The following TTC27 variants were observed in gnomAD, a reference collection of about 807,000 sequenced individuals.
TTC27 encodes tetratricopeptide repeat domain 27.
A neutral mutation model predicts 115.9 loss-of-function variants in TTC27; 79 were observed. The observed-to-expected ratio is 0.68, with a 90% CI of 0.57 to 0.82. TTC27 has a LOEUF of 0.82. Ranked by LOEUF, TTC27 falls within the 40% of genes least tolerant of loss-of-function variation. TTC27 has a pLI of 0.00. For missense variants in TTC27, 1,054 were observed against 993.1 expected, an observed-to-expected ratio of 1.06 and a Z score of -0.82; for synonymous variants, 401 against 356.0, an observed-to-expected ratio of 1.13 and a Z score of -1.42.
rs12989803 is a variant in TTC27 at position 32,742,221 on chromosome 2, A to G, written c.1452+5405A>G. ...CATTTCCCCACAACTGCCTCCCATC[A>G]TGGTTATTGTTAATCCCTTAAAAAT... On this transcript the variant is annotated intron_variant, in intron 12 of 19. Transcript: ENST00000317907. 3.2e-3 allele frequency among the ~76,000 whole-genome samples: 493 copies of G among 152,284 alleles called. 6 individuals carry two copies. Among genetic ancestry groups the G allele is most frequent in the South Asian group, 0.025 (122 of 4,818 alleles).
At chr2:32,681,992 G>GTGTA (rs1447856224) in intron 9 of TTC27, among the ~76,000 whole-genome samples, 1 of 89,702 alleles carries the variant, frequency 1.1e-5, no homozygotes, top group Admixed American at 9.9e-5. Flanking sequence ...GTGTGTGTGT[G>GTGTA]TGTGTGTGTG....
chr2:32,780,717 G>A (rs956924331), intron 14 of TTC27, among the ~76,000 whole-genome samples: 1 of 152,192 alleles, frequency 6.6e-6, no homozygotes, highest in African/African-American at 2.4e-5. Flanking sequence ...TGGGATTACA[G>A]ATGTGAGCCA....
intron 18 of TTC27, 133 bp downstream of exon 18, chr2:32,812,748 T>A: frequency 1.5e-6 from 1 of 661,448 alleles, no homozygotes; most frequent in Admixed American, 2.8e-5. Flanking sequence ...ATTGTTGTAT[T>A]TAATTCAGCA....
chr2:32,771,130 G>A (rs988055986), intron 13 of TTC27, among the ~76,000 whole-genome samples: 14 of 152,110 alleles, frequency 9.2e-5, no homozygotes, highest in Admixed American at 6.6e-4. Context: ...TGGTAATCCC[G>A]AGGAAGATAA....
chr2:32,757,502 G>A (rs1404130402), intron 12 of TTC27, among the ~76,000 whole-genome samples: 2 of 152,010 alleles, frequency 1.3e-5, no homozygotes, highest in African/African-American at 4.8e-5. Context: ...TCACAGATAC[G>A]GCGCCTTTTA....
At chr2:32,696,138 AAT>A (rs1243730289) in intron 9 of TTC27, among the ~76,000 whole-genome samples, 2 of 133,858 alleles carry the variant, frequency 1.5e-5, no homozygotes, top group African/African-American at 6.4e-5. Context: ...AAAAAAAAAA[AAT>A]AATTGTTCTT....
At chr2:32,795,976 A>G (rs560730240) in intron 16 of TTC27, among the ~76,000 whole-genome samples, 130 of 152,272 alleles carry the variant, frequency 8.5e-4, no homozygotes, top group South Asian at 1.7e-3. Context: ...CAATTATACA[A>G]GAAAAAGAAG....
chr2:32,738,616 T>C (rs952716851), intron 12 of TTC27, among the ~76,000 whole-genome samples: 1 of 152,212 alleles, frequency 6.6e-6, no homozygotes, highest in Admixed American at 6.5e-5. Context: ...ACTACGTATG[T>C]TGTGTTTAAT....
At chr2:32,779,374 AT>A (rs1670100194) in intron 14 of TTC27, among the ~76,000 whole-genome samples, 1 of 151,438 alleles carries the variant, frequency 6.6e-6, no homozygotes, top group Non-Finnish European at 1.5e-5. Context: ...TTGTGGTTCA[AT>A]TTGCATGTTT....
intron 9 of TTC27, among the ~76,000 whole-genome samples, chr2:32,689,438 A>G (rs1666741634): frequency 6.6e-6 from 1 of 152,184 alleles, no homozygotes. Context: ...TCAGAAGTAC[A>G]ACACAAACTA....
At chr2:32,820,693 A>G (rs1388591064) in intron 19 of TTC27, 123 bp from the exon 20 acceptor site, 3 of 868,346 alleles carry the variant, frequency 3.5e-6, no homozygotes, top group Non-Finnish European at 4.6e-6. Flanking sequence ...AAATGCTACC[A>G]TTGCTATTAT....
At chr2:32,806,473 T>C (rs988293235) in intron 16 of TTC27, among the ~76,000 whole-genome samples, 2 of 152,206 alleles carry the variant, frequency 1.3e-5, no homozygotes, top group South Asian at 2.1e-4. Context: ...TTAGTGGGAA[T>C]AAAAATGATA....
At chr2:32,820,708 G>T in intron 19 of TTC27, 108 bp from the exon 20 acceptor site, 1 of 1,004,936 alleles carries the variant, frequency 1.0e-6, no homozygotes, top group Non-Finnish European at 1.3e-6. Flanking sequence ...TATTATAATT[G>T]TATAGTATTA....
intron 12 of TTC27, among the ~76,000 whole-genome samples, chr2:32,754,089 A>G (rs904140944): frequency 6.7e-6 from 1 of 149,094 alleles, no homozygotes; most frequent in African/African-American, 2.5e-5. Flanking sequence ...TAAAAATAAA[A>G]TAAAAAATAA....
intron 14 of TTC27, among the ~76,000 whole-genome samples, chr2:32,780,843 A>G (rs934921784): frequency 2.6e-5 from 3 of 114,396 alleles, no homozygotes; most frequent in South Asian, 3.1e-4. Context: ...TATTACTTCT[A>G]GTAGGTGTTT....
intron 16 of TTC27, 131 bp from the exon 17 acceptor site, chr2:32,810,893 A>T: frequency 2.0e-6 from 2 of 1,001,606 alleles, no homozygotes; most frequent in Non-Finnish European, 2.9e-6. Context: ...TCAAAAGCTT[A>T]AAGGTGATAC....
chr2:32,773,101 G>A (rs1669882692), intron 13 of TTC27, among the ~76,000 whole-genome samples: 1 of 152,168 alleles, frequency 6.6e-6, no homozygotes, highest in African/African-American at 2.4e-5. Context: ...AAAGCCATTG[G>A]TTAAGTACAG....
At chr2:32,768,797 T>C (rs540104493) in intron 13 of TTC27, among the ~76,000 whole-genome samples, 1 of 152,312 alleles carries the variant, frequency 6.6e-6, no homozygotes, top group South Asian at 2.1e-4. Context: ...ACTTACACAT[T>C]GGGCTGGCAG....
chr2:32,710,938 A>C (rs538820198), intron 10 of TTC27, among the ~76,000 whole-genome samples: 84 of 150,792 alleles, frequency 5.6e-4, no homozygotes, highest in Middle Eastern at 3.4e-3. Context: ...ACATGGTGAG[A>C]CCCCCATCTC....
Sources: gnomAD v4.1 joint callset for allele counts (sites outside exome capture counted in the v4.1 genomes callset) on GRCh38, gnomAD v4.1.1 for gene constraint, MANE v1.5 for transcripts, NCBI Gene and HGNC (gene_info 2026-07-23, HGNC 2026-07-21) for gene names.